TMEM117: variants seen among roughly 807,000 people sequenced by gnomAD.
The protein encoded by TMEM117 is transmembrane protein 117.
Under a neutral mutation model 52.4 loss-of-function variants are expected in TMEM117, and 27 were observed. The ratio of observed to expected loss-of-function variants is 0.51; its 90% CI spans 0.38 to 0.71. The LOEUF (loss-of-function observed/expected upper bound fraction) is 0.71, where lower values mean the gene tolerates loss of function less well. Ranked by LOEUF, TMEM117 falls within the 30% of genes least tolerant of loss-of-function variation. The pLI is 0.00. For missense variants in TMEM117, 556 were observed against 630.5 expected (o/e 0.88, Z 1.26); for synonymous variants, 215 against 206.3 (o/e 1.04, Z -0.36).
intron 3 of TMEM117, among the ~76,000 whole-genome samples, chr12:44,139,037 C>A (rs1948532582): frequency 6.6e-6 from 1 of 152,172 alleles, no homozygotes; most frequent in South Asian, 2.1e-4. Context: ...GACCTGTACT[C>A]ATGCAAGTCA....
At chr12:44,045,122 C>T (rs1592469218) in intron 3 of TMEM117, among the ~76,000 whole-genome samples, 1 of 152,172 alleles carries the variant, frequency 6.6e-6, no homozygotes, top group East Asian at 1.9e-4. Flanking sequence ...ACCACTCAAC[C>T]TCTTTCCCCA....
the TMEM117 span, among the ~76,000 whole-genome samples, chr12:43,830,039 GA>G: frequency 4.1e-5 from 6 of 146,586 alleles, no homozygotes; most frequent in South Asian, 1.3e-3. Flanking sequence ...AGTGAGGCGA[GA>G]TTGCGCCACT....
chr12:44,132,261 A>G (rs1276908095), intron 3 of TMEM117, among the ~76,000 whole-genome samples: 1 of 150,356 alleles, frequency 6.7e-6, no homozygotes, highest in Admixed American at 6.7e-5. Context: ...TGGGACTCAT[A>G]TGTGTATGTA....
chr12:44,168,509 C>T (rs1565857961), intron 4 of TMEM117, among the ~76,000 whole-genome samples: 1 of 152,048 alleles, frequency 6.6e-6, no homozygotes, highest in African/African-American at 2.4e-5. Context: ...TGTATCGTAA[C>T]TCTGTGTGGT....
At chr12:44,150,888 T>C (rs1428229245) in intron 4 of TMEM117, among the ~76,000 whole-genome samples, 1 of 152,154 alleles carries the variant, frequency 6.6e-6, no homozygotes, top group South Asian at 2.1e-4. Flanking sequence ...TGTACTATAA[T>C]GTATAGACAC....
intron 3 of TMEM117, among the ~76,000 whole-genome samples, chr12:44,058,496 A>G (rs927744883): frequency 2.6e-5 from 4 of 152,186 alleles, no homozygotes; most frequent in Admixed American, 6.5e-5. Flanking sequence ...AAAATGAACC[A>G]AATACTGCTT....
At chr12:44,286,048 A>T (rs570449713) in intron 5 of TMEM117, among the ~76,000 whole-genome samples, 3 of 152,194 alleles carry the variant, frequency 2.0e-5, no homozygotes, top group East Asian at 3.9e-4. Flanking sequence ...TTGCTATCCC[A>T]CTTCACTTTA....
chr12:43,836,994 C>T (rs1458008646), intron 1 of TMEM117, among the ~76,000 whole-genome samples: 2 of 152,172 alleles, frequency 1.3e-5, no homozygotes, highest in Admixed American at 1.3e-4. Context: ...GCTTCAGAAA[C>T]AAGGTCTTCC....
At chr12:44,128,918 G>A (rs1039886920) in intron 3 of TMEM117, among the ~76,000 whole-genome samples, 2 of 152,050 alleles carry the variant, frequency 1.3e-5, no homozygotes, top group African/African-American at 2.4e-5. Flanking sequence ...AGTTATACCC[G>A]CCCAGTCAAC....
intron 4 of TMEM117, among the ~76,000 whole-genome samples, chr12:44,153,453 A>G (rs1948783962): frequency 6.6e-6 from 1 of 151,942 alleles, no homozygotes; most frequent in African/African-American, 2.4e-5. Context: ...GAATTTTGTC[A>G]TCAGATGGGG....
At chr12:43,951,785 C>G (rs1048882103) in intron 3 of TMEM117, among the ~76,000 whole-genome samples, 1 of 152,218 alleles carries the variant, frequency 6.6e-6, no homozygotes, top group Non-Finnish European at 1.5e-5. Context: ...CACACCAGCT[C>G]TGCTAAGGGA....
At position 43,990,514 on chromosome 12, in the gene TMEM117, G is replaced by A. The variant is rs1054852196; in HGVS notation, c.410+46172G>A. On this transcript the variant is annotated intron_variant, in intron 3 of 7. Transcript: ENST00000266534. ...TTTTAATGTTTTCATACCTCACACCGTAAAAGATTTTTTATATAACTTATG... is the reference window on the plus strand; with the variant it reads ...TTTTAATGTTTTCATACCTCACACCATAAAAGATTTTTTATATAACTTATG... 1.3e-4 allele frequency among the ~76,000 whole-genome samples: 20 copies of A among 152,186 alleles called. No individual in the cohort carries two copies. The East Asian group carries it at 3.3e-3, about 25-fold the overall frequency.
the TMEM117 span, among the ~76,000 whole-genome samples, chr12:43,825,052 G>T: frequency 6.6e-6 from 1 of 152,246 alleles, no homozygotes; most frequent in Admixed American, 6.5e-5. Context: ...ACCTTGTTCG[G>T]CAACTGTATG....
chr12:44,374,191 C>T (rs56392026), intron 6 of TMEM117, among the ~76,000 whole-genome samples: 3 of 151,834 alleles, frequency 2.0e-5, no homozygotes, highest in South Asian at 2.1e-4. Context: ...TACACTCACT[C>T]GAGAATGATG....
At chr12:44,103,829 T>C (rs1223223543) in intron 3 of TMEM117, among the ~76,000 whole-genome samples, 11 of 152,072 alleles carry the variant, frequency 7.2e-5, no homozygotes, top group African/African-American at 2.2e-4. Context: ...ATCTTTGACT[T>C]TTTATCTAGT....
At chr12:44,121,059 G>A (rs1281574762) in intron 3 of TMEM117, among the ~76,000 whole-genome samples, 1 of 152,188 alleles carries the variant, frequency 6.6e-6, no homozygotes, top group African/African-American at 2.4e-5. Flanking sequence ...ATGGTGGCAG[G>A]CAAGAGAAGA....
chr12:44,015,641 A>C (rs1439493261), intron 3 of TMEM117, among the ~76,000 whole-genome samples: 1 of 152,178 alleles, frequency 6.6e-6, no homozygotes, highest in Non-Finnish European at 1.5e-5. Flanking sequence ...CTGGTCCAAA[A>C]ATGTGCTTAT....
chr12:44,008,753 T>C (rs1377014485), intron 3 of TMEM117: 5 of 421,214 alleles, frequency 1.2e-5, no homozygotes, highest in Non-Finnish European at 2.4e-5. Flanking sequence ...GGTTCTCTGG[T>C]GTTTAATAAG....
At chr12:44,036,203 T>C (rs1215994941) in intron 3 of TMEM117, among the ~76,000 whole-genome samples, 2 of 152,224 alleles carry the variant, frequency 1.3e-5, no homozygotes, top group Non-Finnish European at 2.9e-5. Flanking sequence ...AACAATGATA[T>C]ATGCATTTTG....
Sources: allele counts gnomAD v4.1 joint callset (sites outside exome capture counted in the v4.1 genomes callset), GRCh38; gene constraint gnomAD v4.1.1; transcripts MANE v1.5; gene names NCBI Gene and HGNC (gene_info 2026-07-23, HGNC 2026-07-21).